The following PROM1 variants were observed in gnomAD, a reference collection of about 807,000 sequenced individuals.
PROM1 encodes the protein prominin 1, also known as prominin-1.
PROM1 carries 105 observed loss-of-function variants against 116.9 expected under a neutral mutation model. The ratio of observed to expected loss-of-function variants is 0.90; its 90% confidence interval spans 0.77 to 1.06. PROM1 has a LOEUF of 1.06. Among genes scored for constraint, PROM1 ranks in the 50% least tolerant of loss-of-function variants. PROM1 has a pLI of 0.00. For synonymous variants in PROM1, 393 were observed against 387.0 expected, an observed-to-expected ratio of 1.02 and a Z score of -0.18; for missense variants, 1,122 against 1,045.2, an observed-to-expected ratio of 1.07 and a Z score of -1.01.
chr4:16,058,923 T>C (rs946550276), intron 2 of PROM1, among the ~76,000 whole-genome samples: 7 of 152,016 alleles, frequency 4.6e-5, no homozygotes, highest in African/African-American at 1.7e-4. Flanking sequence ...CCTAGTCATG[T>C]TGCAGCAGGG....
At chr4:15,985,084 A>G (rs1319659831) in intron 22 of PROM1, among the ~76,000 whole-genome samples, 2 of 152,214 alleles carry the variant, frequency 1.3e-5, no homozygotes, top group East Asian at 3.8e-4. Flanking sequence ...AGATTAAAAC[A>G]TATTCAGAAA....
chr4:16,016,726 T>A (rs1245698422), intron 9 of PROM1, among the ~76,000 whole-genome samples: 2 of 152,152 alleles, frequency 1.3e-5, no homozygotes. Flanking sequence ...GAACATAATA[T>A]CACTACTGTG....
intron 2 of PROM1, among the ~76,000 whole-genome samples, chr4:16,053,025 A>C (rs1489834929): frequency 6.6e-6 from 1 of 152,256 alleles, no homozygotes; most frequent in Non-Finnish European, 1.5e-5. Flanking sequence ...TAAAAAAATT[A>C]ATGTAAATAT....
At position 16,000,550 on chromosome 4, in the gene PROM1, A is replaced by C. The variant is rs1485892203; in HGVS notation, c.1524T>G (p.Gly508=). Reference sequence around the variant, plus strand: ...CACAGATCAGTTTTTCCACATTTGCACCAAAGACAAAGGTAAGAACCACAA... The same window carrying C: ...CACAGATCAGTTTTTCCACATTTGCCCCAAAGACAAAGGTAAGAACCACAA... The part of the protein sequence containing the change: ...MIIVVLTFVF[G]ANVEKLICEP... The change falls in exon 14 of 28, where the codon GGT becomes GGG. Residue 508 remains glycine (G), a synonymous_variant. Coordinates refer to ENST00000447510, the MANE Select transcript of PROM1 (RefSeq NM_006017.3). 2 of 1,592,474 alleles carry C rather than the reference A, an allele frequency of 1.3e-6. No homozygotes were observed. The highest frequency in any genetic ancestry group is 3.3e-5 in the Admixed American group (2 of 59,890).
At chr4:16,009,517 A>G (rs1726346507) in intron 11 of PROM1, among the ~76,000 whole-genome samples, 1 of 152,236 alleles carries the variant, frequency 6.6e-6, no homozygotes, top group Non-Finnish European at 1.5e-5. Flanking sequence ...CAGAGATTCA[A>G]TTAATTGCCC....
chr4:16,002,711 G>C (rs1724180880), intron 13 of PROM1, among the ~76,000 whole-genome samples: 2 of 152,192 alleles, frequency 1.3e-5, no homozygotes, highest in African/African-American at 4.8e-5. Context: ...GAGCATGTGT[G>C]TCTGTGTGTT....
chr4:15,995,390 AAGG>A (rs568780629), intron 15 of PROM1, among the ~76,000 whole-genome samples: 227 of 151,792 alleles, frequency 1.5e-3, no homozygotes, highest in Admixed American at 4.7e-3. Flanking sequence ...AAAGAAGAAA[AAGG>A]AGGAGGAGGA....
chr4:15,976,963 G>A (rs1381804719), intron 26 of PROM1, among the ~76,000 whole-genome samples: 1 of 152,188 alleles, frequency 6.6e-6, no homozygotes, highest in African/African-American at 2.4e-5. Context: ...GGGGGAGGAG[G>A]GGGTGCAAAG....
At chr4:16,057,183 TACACAGATCTGGCACATAAA>T (rs1409954453) in intron 2 of PROM1, among the ~76,000 whole-genome samples, 1 of 152,230 alleles carries the variant, frequency 6.6e-6, no homozygotes, top group African/African-American at 2.4e-5. Flanking sequence ...CAGTCATTTG[TACACAGATCTGGCACATAAA>T]ACTCAGCATG....
In PROM1 at chr4:15,981,562, ACT is replaced by A. The variant is rs546943701; in HGVS notation, c.2374-1027_2374-1026del. On this transcript the variant is annotated intron_variant, in intron 23 of 27. Coordinates refer to ENST00000447510, the MANE Select transcript of PROM1 (RefSeq NM_006017.3). ...ACTCCAGCCTGGGCAACAGAACGAG[ACT>A]CTATCTCAAAAAAAAGAAAAAAAAA... Among the ~76,000 whole-genome samples the A allele has an allele frequency of 3.5e-3, 506 of 146,212 alleles. 1 individual carries two copies. Among genetic ancestry groups the A allele is most frequent in the South Asian group, 0.02 (88 of 4,512 alleles).
intron 9 of PROM1, among the ~76,000 whole-genome samples, chr4:16,017,666 C>A (rs538547823): frequency 6.6e-6 from 1 of 152,096 alleles, no homozygotes; most frequent in South Asian, 2.1e-4. Context: ...ACTAAAAATA[C>A]GAAAATTAGC....
intron 26 of PROM1, among the ~76,000 whole-genome samples, chr4:15,972,442 C>T (rs111884696): frequency 9.2e-5 from 14 of 152,256 alleles, no homozygotes; most frequent in African/African-American, 1.4e-4. Context: ...GGAATGGGGT[C>T]GAGCTTCCTC....
rs138729732 is a variant in PROM1, at chr4:16,074,120, T to C, written c.220+1567A>G. 2.4e-3 allele frequency among the ~76,000 whole-genome samples: 365 copies of C among 152,232 alleles called. 5 individuals are homozygous for C. In the East Asian group the frequency reaches 0.039, roughly 16 times the overall value. ...ACTAAAAACATTAGTAGGAAACTAGTTTAAAAGGATGAATAAGACCTAGTA... is the reference window on the plus strand; with the variant it reads ...ACTAAAAACATTAGTAGGAAACTAGCTTAAAAGGATGAATAAGACCTAGTA... On this transcript the variant is annotated intron_variant, in intron 2 of 27. Coordinates refer to ENST00000447510, the MANE Select transcript of PROM1 (RefSeq NM_006017.3).
At chr4:16,004,643 T>C (rs1486381808) in intron 13 of PROM1, among the ~76,000 whole-genome samples, 1 of 152,184 alleles carries the variant, frequency 6.6e-6, no homozygotes, top group African/African-American at 2.4e-5. Flanking sequence ...TTAAAAGTAA[T>C]GGCAAAAACT....
chr4:16,038,427 G>A (rs933881794), intron 3 of PROM1, among the ~76,000 whole-genome samples: 2 of 152,012 alleles, frequency 1.3e-5, no homozygotes, highest in African/African-American at 4.8e-5. Context: ...TTTTGAGATG[G>A]AGTCTCACTC....
intron 5 of PROM1, among the ~76,000 whole-genome samples, chr4:16,028,869 T>G (rs190957941): frequency 2.4e-4 from 36 of 152,368 alleles, no homozygotes; most frequent in African/African-American, 8.7e-4. Flanking sequence ...ATTTTTATTT[T>G]TATGGCCTTA....
chr4:16,081,699 CTCCCT>C (rs2149618333), intron 1 of PROM1, among the ~76,000 whole-genome samples: 1 of 152,280 alleles, frequency 6.6e-6, no homozygotes, highest in African/African-American at 2.4e-5. Flanking sequence ...TAGCTCTTTG[CTCCCT>C]GAAAAACCTA....
rs2149186734 is a variant in PROM1 at position 16,000,483 on chromosome 4, A to G, written c.1578+13T>C. ...TTCAAGTCCTTTCATAATGGGTAGA[A>G]AATCATATTTACCCGGAATAATTCC... On this transcript the variant is annotated intron_variant, in intron 14 of 27. Transcript: ENST00000447510. 6.4e-7 allele frequency: 1 copy of G among 1,569,802 alleles called. No homozygotes were observed. The highest frequency in any genetic ancestry group is 8.7e-7 in the Non-Finnish European group (1 of 1,146,534).
At chr4:15,970,756 G>A (rs1020403207) in intron 27 of PROM1, among the ~76,000 whole-genome samples, 2 of 151,998 alleles carry the variant, frequency 1.3e-5, no homozygotes, top group African/African-American at 4.8e-5. Context: ...TAAGTGTTAT[G>A]TAAGTAGCTG....
Sources: allele counts gnomAD v4.1 joint callset (sites outside exome capture counted in the v4.1 genomes callset), GRCh38; gene constraint gnomAD v4.1.1; transcripts MANE v1.5; gene names NCBI Gene and HGNC (gene_info 2026-07-23, HGNC 2026-07-21).